The following TUBB8B variants were observed in gnomAD, a reference collection of about 807,000 sequenced individuals.
TUBB8B encodes HSA18p11 beta-tubulin 4Q pseudogene.
In TUBB8B, 26 loss-of-function variants were observed where a neutral mutation model predicts 31.9. The ratio of observed to expected loss-of-function variants is 0.81; its 90% CI spans 0.60 to 1.13. The LOEUF is 1.13. Ranked by LOEUF, TUBB8B falls within the 50% of genes most tolerant of loss-of-function variation. The probability of loss-of-function intolerance (pLI) is 0.00; values close to 1 mark genes in which losing one functional copy is unlikely to be tolerated. For synonymous variants in TUBB8B, 173 were observed against 231.0 expected (o/e 0.75, Z 2.28); for missense variants, 467 against 586.7 (o/e 0.80, Z 2.11).
At chr18:63,757 C>T in the TUBB8B span, among the ~76,000 whole-genome samples, 1 of 148,334 alleles carries the variant, frequency 6.7e-6, no homozygotes, top group African/African-American at 2.5e-5. Flanking sequence ...TAACCCTAGC[C>T]CTAACCCTAA....
the TUBB8B span, among the ~76,000 whole-genome samples, chr18:65,426 A>G: frequency 6.6e-6 from 1 of 152,190 alleles, no homozygotes; most frequent in African/African-American, 2.4e-5. Context: ...TTGGCATACT[A>G]AAGCCATCAC....
Position 49,181 on chromosome 18 carries a change from C to T in TUBB8B, c.114G>A (p.Gly38=), listed in dbSNP as rs746080817. The T allele has an allele frequency of 5.5e-4, 801 of 1,444,130 alleles. 3 individuals are homozygous for T. The African/African-American group carries it at 9.2e-3, about 17-fold the overall frequency. The allele number at this position is 1,444,130 out of a possible 1,614,324, so 89.5% of individuals were successfully genotyped here. Residue 38 remains glycine, a synonymous_variant, in exon 2 of 4, where the codon GGG becomes GGA. Coordinates refer to ENST00000308911, the MANE Select transcript of TUBB8B (RefSeq NM_001358689.2). ...HAIDSAGTYH[G]DSHLQLERIN... ...TGCGCTCCAGCTGCAGGTGGCTGTC[C>T]CCGTGGTAGGTGCCAGCGGAGTCGA...
chr18:69,235 G>C, the TUBB8B span, among the ~76,000 whole-genome samples: 3,816 of 152,114 alleles, frequency 0.025, 46 homozygotes, highest in African/African-American at 0.087. Flanking sequence ...GCTCATGCCT[G>C]TAATCCCAGC....
Position 49,153 on chromosome 18 carries a change from T to C in TUBB8B, c.142A>G (p.Asn48Asp). The stretch of plus-strand genomic sequence containing the variant: ...CCGCTGGCCTCGTGGTGGTGCACGT[T>C]GATGCGCTCCAGCTGCAGGTGGCTG... ...GDSHLQLERI[N>D]VHHHEASGGR... The change falls in exon 2 of 4, where the codon AAC becomes GAC. Residue 48 changes from asparagine (N) to aspartate (D), a missense_variant. Asn to Asp is a conservative substitution (Grantham distance 23). Coordinates refer to ENST00000308911, the MANE Select transcript of TUBB8B (RefSeq NM_001358689.2). 1.3e-6 allele frequency: 2 copies of C among 1,506,950 alleles called. No homozygotes were observed. The highest frequency in any genetic ancestry group is 8.9e-7 in the Non-Finnish European group (1 of 1,120,452). The allele number at this position is 1,506,950 out of a possible 1,614,324, so 93.3% of individuals were successfully genotyped here.
chr18:65,907 CAACA>C, the TUBB8B span, among the ~76,000 whole-genome samples: 1 of 152,116 alleles, frequency 6.6e-6, no homozygotes, highest in East Asian at 1.9e-4. Context: ...CAGACACTAG[CAACA>C]AACAACATGA....
At chr18:63,477 G>T in the TUBB8B span, among the ~76,000 whole-genome samples, 2 of 150,984 alleles carry the variant, frequency 1.3e-5, no homozygotes. Flanking sequence ...TGTGGAGCTG[G>T]AGTTGGGGTA....
chr18:67,179 T>A, the TUBB8B span, among the ~76,000 whole-genome samples: 3 of 152,116 alleles, frequency 2.0e-5, no homozygotes, highest in African/African-American at 4.8e-5. Flanking sequence ...GTATTTTTAG[T>A]ACAGACGGGG....
At chr18:52,245 T>G (rs1006076272), upstream of TUBB8B, among the ~76,000 whole-genome samples, 1 of 151,876 alleles carries the variant, frequency 6.6e-6, no homozygotes, top group Non-Finnish European at 1.5e-5. Flanking sequence ...AAAGCTAAAC[T>G]GTTTGGGGCC....
At chr18:51,230 T>C (rs1185352970), upstream of TUBB8B, among the ~76,000 whole-genome samples, 52 of 120,326 alleles carry the variant, frequency 4.3e-4, no homozygotes, top group East Asian at 1.6e-3. Context: ...GGGGCTCATC[T>C]CTCTTAAGTC....
At chr18:72,975 A>C in the TUBB8B span, among the ~76,000 whole-genome samples, 1 of 152,140 alleles carries the variant, frequency 6.6e-6, no homozygotes, top group East Asian at 1.9e-4. Context: ...CGAAAGAAAC[A>C]AAACAAAACA....
chr18:71,788 CAGG>C, the TUBB8B span, among the ~76,000 whole-genome samples: 13 of 151,828 alleles, frequency 8.6e-5, no homozygotes, highest in African/African-American at 2.9e-4. Context: ...GAGGCTGATG[CAGG>C]AGAAGTGCCT....
Position 48,316 on chromosome 18 carries a change from G to A in TUBB8B, c.409C>T (p.His137Tyr), listed in dbSNP as rs199686837. ...CDCLQGFQLT[H>Y]SLGGGTGSGM... is the part of the protein sequence containing the mutation. ...GACCCAGTCCCCCCACCCAGGGAGT[G>A]GGTCAGCTGGAAACCCTGCAGGCAG... is the stretch of plus-strand genomic sequence containing the variant. The change falls in exon 4 of 4, where the codon CAC (histidine) becomes TAC (tyrosine). Residue 137 changes from histidine to tyrosine, a missense_variant. His to Tyr is a moderately conservative substitution (Grantham distance 83, BLOSUM62 2). Transcript: ENST00000308911. The A allele has an allele frequency of 3.4e-4, 543 of 1,610,888 alleles. 1 individual carries two copies. The East Asian group carries it at 9.8e-3, about 29-fold the overall frequency.
the TUBB8B span, among the ~76,000 whole-genome samples, chr18:54,907 A>G: frequency 6.6e-6 from 1 of 151,962 alleles, no homozygotes; most frequent in African/African-American, 2.4e-5. Context: ...TTGCATTTCT[A>G]TGATGATCAG....
At chr18:53,322 T>A (rs9964325), upstream of TUBB8B, among the ~76,000 whole-genome samples, 24,759 of 149,466 alleles carry the variant, frequency 0.17, 2,476 homozygotes, top group African/African-American at 0.21. Context: ...ATGTTTACCA[T>A]AATGGCAGAA....
chr18:68,752 C>T, the TUBB8B span, among the ~76,000 whole-genome samples: 3 of 152,186 alleles, frequency 2.0e-5, no homozygotes, highest in African/African-American at 7.2e-5. Context: ...ACAAGGACCA[C>T]AGGACTGACC....
At chr18:61,066 G>T in the TUBB8B span, among the ~76,000 whole-genome samples, 1 of 151,478 alleles carries the variant, frequency 6.6e-6, no homozygotes, top group Non-Finnish European at 1.5e-5. Flanking sequence ...GAAGTGTCCA[G>T]CCATTATTGT....
upstream of TUBB8B, among the ~76,000 whole-genome samples, chr18:51,769 C>T (rs576864270): frequency 3.3e-4 from 50 of 152,036 alleles, no homozygotes; most frequent in African/African-American, 1.2e-3. Flanking sequence ...TGCCTGCTGC[C>T]ATGTAAGAGA....
upstream of TUBB8B, chr18:49,886 G>A (rs1906002529): frequency 1.9e-6 from 1 of 520,780 alleles, no homozygotes; most frequent in African/African-American, 1.9e-5. Flanking sequence ...CCTCCCATGT[G>A]GGAGGGGAAG....
the TUBB8B span, among the ~76,000 whole-genome samples, chr18:57,954 T>C: frequency 0.12 from 13,742 of 114,574 alleles, 4 homozygotes; most frequent in African/African-American, 0.24. Context: ...CTGGGCCAAT[T>C]TGTGCTACAC....
Sources: gnomAD v4.1 joint callset for allele counts (sites outside exome capture counted in the v4.1 genomes callset) on GRCh38, gnomAD v4.1.1 for gene constraint, MANE v1.5 for transcripts, NCBI Gene and HGNC (gene_info 2026-07-23, HGNC 2026-07-21) for gene names.